The following PARD3 variants were observed in gnomAD, a reference collection of about 807,000 sequenced individuals.
The protein encoded by PARD3 is par-3 family cell polarity regulator.
Under a neutral mutation model 155.4 loss-of-function variants are expected in PARD3, and 75 were observed. That is an observed-to-expected ratio of 0.48 (90% CI 0.40 to 0.58). PARD3 has a LOEUF of 0.58. Among genes scored for constraint, PARD3 ranks in the 20% least tolerant of loss-of-function variants. The probability of loss-of-function intolerance (pLI) is 0.00; values close to 1 mark genes in which losing one functional copy is unlikely to be tolerated. For synonymous variants in PARD3, 576 were observed against 610.5 expected, an observed-to-expected ratio of 0.94 and a Z score of 0.83; for missense variants, 1,642 against 1,721.7, an observed-to-expected ratio of 0.95 and a Z score of 0.82.
At chr10:34,641,887 A>C (rs1405590749) in intron 2 of PARD3, among the ~76,000 whole-genome samples, 1 of 152,156 alleles carries the variant, frequency 6.6e-6, no homozygotes, top group Non-Finnish European at 1.5e-5. Context: ...AGGAGGGCAC[A>C]AGGGTGGAGG....
chr10:34,786,304 T>C (rs137923014), intron 1 of PARD3, among the ~76,000 whole-genome samples: 1 of 152,350 alleles, frequency 6.6e-6, no homozygotes, highest in African/African-American at 2.4e-5. Flanking sequence ...ATTCTCACAA[T>C]GACTCTTCCT....
At chr10:34,814,209 C>T (rs1844585956) in intron 1 of PARD3, among the ~76,000 whole-genome samples, 1 of 152,178 alleles carries the variant, frequency 6.6e-6, no homozygotes, top group Non-Finnish European at 1.5e-5. Context: ...CAAGCGAGTG[C>T]CAAGTGCCAG....
chr10:34,411,512 C>T (rs956440816), intron 5 of PARD3, among the ~76,000 whole-genome samples: 1 of 152,072 alleles, frequency 6.6e-6, no homozygotes, highest in Non-Finnish European at 1.5e-5. Flanking sequence ...TGTCTGACTG[C>T]TGAGCTGAGA....
chr10:34,689,303 T>TCA (rs2094007334), intron 2 of PARD3, among the ~76,000 whole-genome samples: 1 of 152,196 alleles, frequency 6.6e-6, no homozygotes, highest in Non-Finnish European at 1.5e-5. Context: ...ACACGATCCC[T>TCA]CAGTCTGAAT....
intron 22 of PARD3, among the ~76,000 whole-genome samples, chr10:34,250,750 T>C (rs1190174378): frequency 7.0e-6 from 1 of 142,690 alleles, no homozygotes; most frequent in Admixed American, 7.2e-5. Context: ...TTTATTAACA[T>C]AGAACTTATT....
chr10:34,648,806 A>G (rs2092922554), intron 2 of PARD3, among the ~76,000 whole-genome samples: 1 of 152,192 alleles, frequency 6.6e-6, no homozygotes, highest in African/African-American at 2.4e-5. Context: ...CTTGTATGTG[A>G]CATTTTTAAG....
At chr10:34,530,688 G>A (rs1281153027) in intron 2 of PARD3, among the ~76,000 whole-genome samples, 1 of 152,138 alleles carries the variant, frequency 6.6e-6, no homozygotes, top group Non-Finnish European at 1.5e-5. Flanking sequence ...GGGATTTACT[G>A]GCTTTCACGA....
At chr10:34,384,299 C>G in intron 7 of PARD3, 45 bp from the exon 8 acceptor site, 1 of 1,576,658 alleles carries the variant, frequency 6.3e-7, no homozygotes, top group East Asian at 2.2e-5. Flanking sequence ...AATATCTCCA[C>G]CATGCACACT....
intron 22 of PARD3, among the ~76,000 whole-genome samples, chr10:34,166,360 C>A (rs1251615920): frequency 6.6e-6 from 1 of 152,032 alleles, no homozygotes; most frequent in South Asian, 2.1e-4. Context: ...CACTTGTAAT[C>A]CCAGCTCTAT....
At chr10:34,256,817 A>G (rs1316399890) in intron 22 of PARD3, among the ~76,000 whole-genome samples, 1 of 152,210 alleles carries the variant, frequency 6.6e-6, no homozygotes, top group East Asian at 1.9e-4. Context: ...ATTGGAGTCC[A>G]TTTTATGCAA....
intron 12 of PARD3, among the ~76,000 whole-genome samples, chr10:34,367,995 G>A (rs1029926721): frequency 2.0e-5 from 3 of 152,158 alleles, no homozygotes; most frequent in African/African-American, 7.2e-5. Flanking sequence ...GCTCAAACCT[G>A]TAGTCTCAGC....
At chr10:34,167,472 A>C (rs1421558104) in intron 22 of PARD3, among the ~76,000 whole-genome samples, 1 of 152,016 alleles carries the variant, frequency 6.6e-6, no homozygotes, top group Non-Finnish European at 1.5e-5. Flanking sequence ...ATAAATGACA[A>C]GACTTTTTCC....
At chr10:34,222,267 A>G (rs71487356) in intron 22 of PARD3, among the ~76,000 whole-genome samples, 3,950 of 152,290 alleles carry the variant, frequency 0.026, 86 homozygotes, top group Non-Finnish European at 0.038. Context: ...AAGCCCTCAC[A>G]AAGTATGTAT....
chr10:34,646,681 C>T (rs938128562), intron 2 of PARD3, among the ~76,000 whole-genome samples: 1 of 152,092 alleles, frequency 6.6e-6, no homozygotes, highest in Middle Eastern at 3.2e-3. Flanking sequence ...TTTTCGTGTG[C>T]GTGAGACAAG....
intron 2 of PARD3, among the ~76,000 whole-genome samples, chr10:34,579,636 A>G (rs1380551410): frequency 1.3e-5 from 2 of 149,166 alleles, no homozygotes; most frequent in Non-Finnish European, 3.0e-5. Flanking sequence ...GCTGGAGTGC[A>G]GTGGCATGAT....
chr10:34,132,876 A>G (rs1158173336), intron 22 of PARD3, among the ~76,000 whole-genome samples: 1 of 152,152 alleles, frequency 6.6e-6, no homozygotes, highest in Non-Finnish European at 1.5e-5. Flanking sequence ...ACAGAAGGGC[A>G]GAAGAGTGGC....
intron 22 of PARD3, among the ~76,000 whole-genome samples, chr10:34,155,897 A>G (rs1948983879): frequency 6.6e-6 from 1 of 152,072 alleles, no homozygotes; most frequent in Non-Finnish European, 1.5e-5. Flanking sequence ...ACAATGCACA[A>G]CCTGTGGCTT....
chr10:34,659,552 A>G (rs1253217908), intron 2 of PARD3, among the ~76,000 whole-genome samples: 4 of 152,214 alleles, frequency 2.6e-5, no homozygotes, highest in East Asian at 3.8e-4. Context: ...ACATAATAAC[A>G]TGTAAATGAA....
intron 12 of PARD3, among the ~76,000 whole-genome samples, chr10:34,369,334 T>G (rs1840343038): frequency 6.6e-6 from 1 of 151,720 alleles, no homozygotes; most frequent in Non-Finnish European, 1.5e-5. Context: ...ATTTATTTAT[T>G]TATTTATTTA....
Sources: gnomAD v4.1 joint callset for allele counts (sites outside exome capture counted in the v4.1 genomes callset) on GRCh38, gnomAD v4.1.1 for gene constraint, MANE v1.5 for transcripts, NCBI Gene and HGNC (gene_info 2026-07-23, HGNC 2026-07-21) for gene names.